UPP2: variants seen among roughly 807,000 people sequenced by gnomAD.
UPP2 encodes the protein uridine phosphorylase 2, also known as UPase 2.
In UPP2, 23 loss-of-function variants were observed where a neutral mutation model predicts 26.7. The ratio of observed to expected loss-of-function variants is 0.86; its 90% CI spans 0.62 to 1.22. UPP2 has a LOEUF of 1.22. Among genes scored for constraint, UPP2 ranks in the 50% most tolerant of loss-of-function variants. The pLI is 0.00. For missense variants in UPP2, 387 were observed against 396.7 expected, an observed-to-expected ratio of 0.98 and a Z score of 0.21; for synonymous variants, 127 against 141.3, an observed-to-expected ratio of 0.90 and a Z score of 0.72.
At chr2:158,089,503 C>A (rs1682872125) in intron 3 of UPP2, among the ~76,000 whole-genome samples, 1 of 152,328 alleles carries the variant, frequency 6.6e-6, no homozygotes, top group African/African-American at 2.4e-5. Flanking sequence ...CCACCCCCGA[C>A]CCCAACTTCT....
At chr2:158,079,606 C>T (rs962351069) in intron 3 of UPP2, among the ~76,000 whole-genome samples, 1 of 152,146 alleles carries the variant, frequency 6.6e-6, no homozygotes, top group African/African-American at 2.4e-5. Flanking sequence ...ATACTAAACC[C>T]ATTCCACTTC....
At chr2:158,059,364 T>G (rs1024871332) in intron 3 of UPP2, among the ~76,000 whole-genome samples, 1 of 152,324 alleles carries the variant, frequency 6.6e-6, no homozygotes, top group South Asian at 2.1e-4. Flanking sequence ...TTTCAAATTA[T>G]ATGGCCATTT....
At chr2:158,062,409 C>T (rs575436669) in intron 3 of UPP2, among the ~76,000 whole-genome samples, 1 of 152,180 alleles carries the variant, frequency 6.6e-6, no homozygotes, top group East Asian at 1.9e-4. Flanking sequence ...ACCTTCTGGT[C>T]TTCTCCCTGG....
In UPP2 at chr2:158,017,272, C is replaced by T. The variant is rs573662355; in HGVS notation, c.147+1386C>T. Among the ~76,000 whole-genome samples, 79 of 152,104 alleles carry T rather than the reference C, an allele frequency of 5.2e-4. 1 individual carries two copies. The highest frequency in any genetic ancestry group is 1.0e-3 in the Non-Finnish European group (69 of 67,986). On this transcript the variant is annotated intron_variant, in intron 3 of 9. Transcript: ENST00000605860. ...TTGTAAAACTTTTATGGAGTGTGTC[C>T]TAACTTTATTTTAAAAATAGTCTCC...
chr2:158,013,984 C>G (rs547700731), intron 2 of UPP2, among the ~76,000 whole-genome samples: 1 of 152,176 alleles, frequency 6.6e-6, no homozygotes, highest in Non-Finnish European at 1.5e-5. Context: ...GTGGCAGAAG[C>G]CTGCTTCTGC....
chr2:158,047,215 A>G (rs997284791), intron 3 of UPP2, among the ~76,000 whole-genome samples: 2 of 152,198 alleles, frequency 1.3e-5, no homozygotes, highest in African/African-American at 4.8e-5. Flanking sequence ...AAACATCTTT[A>G]TCAGGAACTC....
intron 3 of UPP2, among the ~76,000 whole-genome samples, chr2:158,080,676 G>A (rs776024246): frequency 4.1e-4 from 62 of 152,084 alleles, no homozygotes; most frequent in Non-Finnish European, 7.5e-4. Flanking sequence ...CTGGCCAAAC[G>A]TTGGAAATAT....
intron 1 of UPP2, among the ~76,000 whole-genome samples, chr2:158,103,297 T>C (rs1039776308): frequency 6.6e-6 from 1 of 152,202 alleles, no homozygotes; most frequent in Non-Finnish European, 1.5e-5. Flanking sequence ...CAAGGAAAAC[T>C]AATCCTAATG....
chr2:158,042,911 G>C (rs971658244), intron 3 of UPP2, among the ~76,000 whole-genome samples: 4 of 152,140 alleles, frequency 2.6e-5, no homozygotes, highest in Non-Finnish European at 4.4e-5. Context: ...GGCCCCTGCC[G>C]AGCCTTTTCC....
chr2:158,065,855 C>T, intron 3 of UPP2: 1 of 660,132 alleles, frequency 1.5e-6, no homozygotes, highest in Non-Finnish European at 2.8e-6. Context: ...CTGTTCATTG[C>T]ATTGCAGGCC....
rs552685109 is a variant in UPP2, at chr2:158,015,483, CTGT to C, written c.62-312_62-310del. Among the ~76,000 whole-genome samples, 679 of 152,288 alleles carry C rather than the reference CTGT, an allele frequency of 4.5e-3. 1 individual carries two copies. The highest frequency in any genetic ancestry group is 8.8e-3 in the Admixed American group (134 of 15,304). ...TGCCACATTTTGTTTATCTATTCAT[CTGT>C]TGTTGGATATCTAGATTGCTTCTAT... On this transcript the variant is annotated intron_variant, in intron 2 of 9. Transcript: ENST00000605860.
At chr2:158,063,601 CT>C (rs5835686) in intron 3 of UPP2, among the ~76,000 whole-genome samples, 113,331 of 147,960 alleles carry the variant, frequency 0.77, 44,159 homozygotes, top group African/African-American at 0.92. Context: ...ATTTTCTTTT[CT>C]TTTTTTTTTT....
intron 3 of UPP2, among the ~76,000 whole-genome samples, chr2:158,063,356 C>T (rs1220967983): frequency 1.3e-5 from 2 of 152,188 alleles, no homozygotes; most frequent in African/African-American, 4.8e-5. Flanking sequence ...CAGAGCAGTG[C>T]CTGACAGAAA....
chr2:158,021,937 T>C (rs577836978), intron 3 of UPP2, among the ~76,000 whole-genome samples: 3 of 152,184 alleles, frequency 2.0e-5, no homozygotes, highest in African/African-American at 7.2e-5. Flanking sequence ...AATTAGAAAA[T>C]ATATAGCTCT....
At position 158,071,550 on chromosome 2, in the gene UPP2, C is replaced by CAAAA. The variant is rs56926948; in HGVS notation, c.148-30465_148-30462dup. Among the ~76,000 whole-genome samples the CAAAA allele has an allele frequency of 1.4e-4, 9 of 65,474 alleles. No individual in the cohort carries two copies. The East Asian group carries it at 3.0e-3, about 22-fold the overall frequency. 43.0% of individuals were successfully genotyped at this position (65,474 alleles called of 152,430 possible). A position where few individuals can be genotyped will look rare whatever the true frequency, so the allele number is the denominator to read the frequency against. ...TGGGCAAAGAAGCGAGATTCTGTCT[C>CAAAA]AAAAAAAAAAAAAAAAAAAAAAAAA... is the stretch of plus-strand genomic sequence containing the variant. On this transcript the variant is annotated intron_variant, in intron 3 of 9. Coordinates refer to the UPP2 transcript ENST00000605860.
At chr2:158,085,460 G>C (rs1682797414) in intron 3 of UPP2, among the ~76,000 whole-genome samples, 1 of 152,098 alleles carries the variant, frequency 6.6e-6, no homozygotes, top group Non-Finnish European at 1.5e-5. Context: ...GTGACAGTTT[G>C]ACTTCCTGTT....
Position 158,123,153 on chromosome 2 carries a change from G to A in UPP2, c.665-596G>A, listed in dbSNP as rs113940120. On this transcript the variant is annotated intron_variant, in intron 5 of 6. Transcript: ENST00000005756. ...AGGTTTCCTTTCCTTGCTTCTGTCC[G>A]CACTGGTAGATACAGCTGAAATTCA... Among the ~76,000 whole-genome samples the A allele has an allele frequency of 4.1e-3, 625 of 152,236 alleles. 6 individuals carry two copies. Among genetic ancestry groups the A allele is most frequent in the African/African-American group, 0.013 (552 of 41,518 alleles).
intron 3 of UPP2, chr2:158,065,586 C>G (rs983735216): frequency 3.6e-6 from 2 of 556,184 alleles, no homozygotes; most frequent in Admixed American, 2.2e-5. Flanking sequence ...AAGTCACATA[C>G]AAGAACATGA....
chr2:158,078,827 C>G (rs923693896), intron 3 of UPP2, among the ~76,000 whole-genome samples: 1 of 151,736 alleles, frequency 6.6e-6, no homozygotes, highest in Non-Finnish European at 1.5e-5. Flanking sequence ...GGATGGATAC[C>G]CCGTTTACCC....
Sources: gnomAD v4.1 joint callset for allele counts (sites outside exome capture counted in the v4.1 genomes callset) on GRCh38, gnomAD v4.1.1 for gene constraint, MANE v1.5 for transcripts, NCBI Gene and HGNC (gene_info 2026-07-23, HGNC 2026-07-21) for gene names.